NFKB1: variants seen among roughly 807,000 people sequenced by gnomAD.
The protein encoded by NFKB1 is nuclear factor NF-kappa-B p105 subunit.
Under a neutral mutation model 105.1 loss-of-function variants are expected in NFKB1, and 9 were observed. The observed-to-expected ratio is 0.09, with a 90% CI of 0.05 to 0.15. The LOEUF (loss-of-function observed/expected upper bound fraction) is 0.15, where lower values mean the gene tolerates loss of function less well. NFKB1 is among the 10% of genes least tolerant of loss of function. The probability of loss-of-function intolerance (pLI) is 1.00; values close to 1 mark genes in which losing one functional copy is unlikely to be tolerated. For missense variants in NFKB1, 830 were observed against 1,203.7 expected, an observed-to-expected ratio of 0.69 and a Z score of 4.59; for synonymous variants, 440 against 442.2, an observed-to-expected ratio of 1.00 and a Z score of 0.06.
At chr4:102,608,858 A>G (rs1364994729) in intron 19 of NFKB1, among the ~76,000 whole-genome samples, 1 of 152,208 alleles carries the variant, frequency 6.6e-6, no homozygotes, top group Non-Finnish European at 1.5e-5. Flanking sequence ...CCTTCCAACA[A>G]GAAGCTATAA....
Position 102,606,727 on chromosome 4 carries a change from A to G in NFKB1, c.1954+30A>G, listed in dbSNP as rs766110724. 3 of 1,592,380 alleles carry G rather than the reference A, an allele frequency of 1.9e-6. No homozygotes were observed. The East Asian group carries it at 6.8e-5, about 36-fold the overall frequency. Reference sequence around the variant, plus strand: ...GAGACAATCACACATCATTGGTGTAACTTTCTCCACCTTCTAAATATCTAC... The same window carrying G: ...GAGACAATCACACATCATTGGTGTAGCTTTCTCCACCTTCTAAATATCTAC... On this transcript the variant is annotated intron_variant, in intron 17 of 23. Transcript: ENST00000226574.
At chr4:102,560,357 TCAGAG>T (rs1339537029) in intron 5 of NFKB1, among the ~76,000 whole-genome samples, 52 of 152,146 alleles carry the variant, frequency 3.4e-4, no homozygotes, top group African/African-American at 1.2e-3. Flanking sequence ...GATAAAACTT[TCAGAG>T]CAAAGTTATA....
chr4:102,616,353 G>A, intron 23 of NFKB1, 81 bp from the exon 24 acceptor site: 4 of 1,484,864 alleles, frequency 2.7e-6, no homozygotes, highest in East Asian at 2.3e-5. Context: ...AAGCCAGTGG[G>A]CAAGAGTTGT....
At chr4:102,529,558 AG>A (rs1741141633) in intron 2 of NFKB1, among the ~76,000 whole-genome samples, 1 of 152,228 alleles carries the variant, frequency 6.6e-6, no homozygotes, top group Non-Finnish European at 1.5e-5. Flanking sequence ...TAAGCAAGCT[AG>A]ACCAGGTCCC....
intron 1 of NFKB1, among the ~76,000 whole-genome samples, chr4:102,520,441 A>G (rs917013694): frequency 2.0e-5 from 3 of 152,210 alleles, no homozygotes; most frequent in African/African-American, 4.8e-5. Flanking sequence ...TGTATCTGCC[A>G]TACCTGTTGG....
intron 3 of NFKB1, among the ~76,000 whole-genome samples, chr4:102,532,005 T>C (rs1224854839): frequency 6.6e-6 from 1 of 152,220 alleles, no homozygotes; most frequent in Non-Finnish European, 1.5e-5. Context: ...TGTATCTTAG[T>C]GTGAAAATAT....
Position 102,581,661 on chromosome 4 carries a change from A to G in NFKB1, c.835+1022A>G, listed in dbSNP as rs537986085. 5.9e-5 allele frequency among the ~76,000 whole-genome samples: 9 copies of G among 152,288 alleles called. No individual in the cohort carries two copies. The East Asian group carries it at 1.7e-3, about 29-fold the overall frequency. ...AGAGCGAGACCCTGTCTCAAAAAAA[A>G]GAAGTTTACACTTTCTCTGCCTACA... On this transcript the variant is annotated intron_variant, in intron 9 of 23. Coordinates refer to ENST00000226574, the MANE Select transcript of NFKB1 (RefSeq NM_003998.4).
At chr4:102,573,323 A>G (rs895703691) in intron 6 of NFKB1, among the ~76,000 whole-genome samples, 3 of 152,190 alleles carry the variant, frequency 2.0e-5, no homozygotes, top group East Asian at 1.9e-4. Context: ...AAAAAGAATT[A>G]TAGGTTGACA....
At chr4:102,541,497 T>C (rs907037340) in intron 5 of NFKB1, among the ~76,000 whole-genome samples, 1 of 152,178 alleles carries the variant, frequency 6.6e-6, no homozygotes, top group Non-Finnish European at 1.5e-5. Context: ...ATCTTCAACA[T>C]TTTGTATTCT....
intron 5 of NFKB1, among the ~76,000 whole-genome samples, chr4:102,543,494 G>A (rs1721881360): frequency 6.6e-6 from 1 of 151,964 alleles, no homozygotes; most frequent in African/African-American, 2.4e-5. Flanking sequence ...TTTTCTGAAA[G>A]CTGGTTCTCA....
chr4:102,603,217 C>T (rs1727362108), intron 16 of NFKB1, among the ~76,000 whole-genome samples: 1 of 151,896 alleles, frequency 6.6e-6, no homozygotes, highest in Non-Finnish European at 1.5e-5. Context: ...GGATTACAGG[C>T]GTGCACCACC....
intron 6 of NFKB1, 78 bp downstream of exon 6, chr4:102,567,213 C>A (rs1025167530): frequency 8.1e-6 from 12 of 1,487,374 alleles, no homozygotes; most frequent in African/African-American, 1.4e-5. Flanking sequence ...TGAACAGGCC[C>A]CTTTCATTAG....
rs552444379 is a variant in NFKB1, at chr4:102,532,231, C to G, written c.119-1614C>G. On this transcript the variant is annotated intron_variant, in intron 3 of 23. Transcript: ENST00000226574. Reference sequence around the variant, plus strand: ...TTTCAGATGCATTCATTTTTCAACTCGCTTCCTTGTAAATTTCTTGAATAA... The same window carrying G: ...TTTCAGATGCATTCATTTTTCAACTGGCTTCCTTGTAAATTTCTTGAATAA... Among the ~76,000 whole-genome samples, 43 of 151,990 alleles carry G rather than the reference C, an allele frequency of 2.8e-4. 3 individuals are homozygous for G.
chr4:102,512,681 A>G (rs1739859746), intron 1 of NFKB1, among the ~76,000 whole-genome samples: 2 of 152,210 alleles, frequency 1.3e-5, no homozygotes. Flanking sequence ...ATGAGTGGTC[A>G]GTGTAGAAAG....
intron 11 of NFKB1, among the ~76,000 whole-genome samples, chr4:102,588,777 CAT>C (rs1244111744): frequency 6.6e-6 from 1 of 152,188 alleles, no homozygotes; most frequent in Non-Finnish European, 1.5e-5. Flanking sequence ...GACAGCCTAA[CAT>C]AATGAAAACA....
chr4:102,605,377 G>C (rs565891409), intron 16 of NFKB1, among the ~76,000 whole-genome samples: 1 of 152,290 alleles, frequency 6.6e-6, no homozygotes, highest in Non-Finnish European at 1.5e-5. Context: ...CATGTGCTGT[G>C]GTCACCTACA....
rs112436171 is a variant in NFKB1 at position 102,613,337 on chromosome 4, G to A, written c.2593-88G>A. 6 of 1,402,772 alleles carry A rather than the reference G, an allele frequency of 4.3e-6. No homozygotes were observed. In the African/African-American group the frequency reaches 5.7e-5, roughly 13 times the overall value. The allele number at this position is 1,402,772 out of a possible 1,614,324, so 86.9% of individuals were successfully genotyped here. On this transcript the variant is annotated intron_variant, in intron 22 of 23. Coordinates refer to ENST00000226574, the MANE Select transcript of NFKB1 (RefSeq NM_003998.4). ...GCTCCTGAGTGGAGGAGGCAGCATG[G>A]AAGAGGGAAGGGTGGGCTGTCAGTG...
At chr4:102,571,139 T>C (rs925980436) in intron 6 of NFKB1, among the ~76,000 whole-genome samples, 7 of 152,250 alleles carry the variant, frequency 4.6e-5, no homozygotes, top group Admixed American at 2.0e-4. Flanking sequence ...AACAGAGATA[T>C]AGACCAATGG....
chr4:102,541,213 G>A (rs1001627204), intron 5 of NFKB1, among the ~76,000 whole-genome samples: 1 of 152,168 alleles, frequency 6.6e-6, no homozygotes, highest in African/African-American at 2.4e-5. Flanking sequence ...CCCCTGGGGG[G>A]CAAAATCACC....
Sources: gnomAD v4.1 joint callset for allele counts (sites outside exome capture counted in the v4.1 genomes callset) on GRCh38, gnomAD v4.1.1 for gene constraint, MANE v1.5 for transcripts, NCBI Gene and HGNC (gene_info 2026-07-23, HGNC 2026-07-21) for gene names.